The following PIP4K2A variants were observed in gnomAD, a reference collection of about 807,000 sequenced individuals.
The protein encoded by PIP4K2A is phosphatidylinositol 5-phosphate 4-kinase type-2 alpha.
In PIP4K2A, 14 loss-of-function variants were observed where a neutral mutation model predicts 42.9. That is an observed-to-expected ratio of 0.33 (90% confidence interval 0.22 to 0.51). The LOEUF is 0.51. PIP4K2A is among the 20% of genes least tolerant of loss of function. PIP4K2A has a pLI of 0.97. For missense variants in PIP4K2A, 434 were observed against 519.8 expected, an observed-to-expected ratio of 0.83 and a Z score of 1.61; for synonymous variants, 192 against 192.2, an observed-to-expected ratio of 1.00 and a Z score of 0.01.
intron 1 of PIP4K2A, among the ~76,000 whole-genome samples, chr10:22,674,874 G>T (rs948530305): frequency 3.9e-5 from 6 of 151,938 alleles, no homozygotes; most frequent in African/African-American, 1.5e-4. Context: ...GAGGCAGGAA[G>T]ATTGCTTAAG....
chr10:22,551,214 T>C (rs1439654501), intron 6 of PIP4K2A, among the ~76,000 whole-genome samples: 1 of 152,192 alleles, frequency 6.6e-6, no homozygotes, highest in African/African-American at 2.4e-5. Context: ...TGGGCTCACA[T>C]TGCAAATAAC....
chr10:22,672,543 G>A (rs914948057), intron 1 of PIP4K2A, among the ~76,000 whole-genome samples: 1 of 152,158 alleles, frequency 6.6e-6, no homozygotes, highest in African/African-American at 2.4e-5. Flanking sequence ...CAGGGATAGG[G>A]AAAACCCAGC....
At chr10:22,692,715 A>T (rs1401893863) in intron 1 of PIP4K2A, among the ~76,000 whole-genome samples, 4 of 152,196 alleles carry the variant, frequency 2.6e-5, no homozygotes, top group Non-Finnish European at 5.9e-5. Context: ...TAGAGATGGA[A>T]CAGCCCTTCA....
chr10:22,584,700 G>A (rs1281401265), intron 4 of PIP4K2A, among the ~76,000 whole-genome samples: 1 of 152,194 alleles, frequency 6.6e-6, no homozygotes, highest in African/African-American at 2.4e-5. Flanking sequence ...GAACTCCCAA[G>A]ATGACAAATA....
intron 9 of PIP4K2A, among the ~76,000 whole-genome samples, chr10:22,538,362 G>T (rs889022740): frequency 1.3e-5 from 2 of 151,736 alleles, no homozygotes; most frequent in African/African-American, 4.8e-5. Flanking sequence ...GGATAGGAGA[G>T]ATGAACATGG....
chr10:22,575,625 C>T (rs1837094761), intron 4 of PIP4K2A, among the ~76,000 whole-genome samples: 1 of 152,134 alleles, frequency 6.6e-6, no homozygotes, highest in Non-Finnish European at 1.5e-5. Flanking sequence ...TAAATTATTA[C>T]ACTGAAAAGA....
chr10:22,611,460 G>T (rs1379736435), intron 1 of PIP4K2A, among the ~76,000 whole-genome samples: 1 of 150,036 alleles, frequency 6.7e-6, no homozygotes, highest in Non-Finnish European at 1.5e-5. Flanking sequence ...CAATATATAA[G>T]TAAGAATACT....
chr10:22,623,990 G>C (rs1362659960), intron 1 of PIP4K2A, among the ~76,000 whole-genome samples: 10 of 152,162 alleles, frequency 6.6e-5, no homozygotes, highest in Admixed American at 6.5e-4. Context: ...ATTCATTTTT[G>C]TTCATGATAA....
At chr10:22,616,059 T>A (rs886360481) in intron 1 of PIP4K2A, among the ~76,000 whole-genome samples, 1 of 152,160 alleles carries the variant, frequency 6.6e-6, no homozygotes, top group Admixed American at 6.5e-5. Context: ...ATGCTGGGGC[T>A]CCAAAGATGA....
At chr10:22,554,446 G>C (rs1174423651) in intron 6 of PIP4K2A, among the ~76,000 whole-genome samples, 1 of 152,200 alleles carries the variant, frequency 6.6e-6, no homozygotes, top group Non-Finnish European at 1.5e-5. Flanking sequence ...TTAAACACTG[G>C]ATTATTTGCG....
At chr10:22,563,787 A>G (rs1376827963) in intron 6 of PIP4K2A, among the ~76,000 whole-genome samples, 1 of 152,194 alleles carries the variant, frequency 6.6e-6, no homozygotes, top group East Asian at 1.9e-4. Flanking sequence ...TCATCCACTC[A>G]AAGTAAGTAA....
chr10:22,666,727 A>G (rs758875157), intron 1 of PIP4K2A, among the ~76,000 whole-genome samples: 15 of 152,190 alleles, frequency 9.9e-5, no homozygotes, highest in Non-Finnish European at 1.5e-4. Context: ...TGCAGGCTTC[A>G]TCTGAAACAG....
In PIP4K2A at chr10:22,664,186, TATATAC is replaced by T. The variant is rs1470308223; in HGVS notation, c.144+49991_144+49996del. On this transcript the variant is annotated intron_variant, in intron 1 of 9. Transcript: ENST00000376573. Reference sequence around the variant, plus strand: ...ATATATACATATATATATATACATATATATACATATATATATACATATATATATATA... The same window carrying T: ...ATATATACATATATATATATACATATATATATATATACATATATATATATA... 8.7e-5 allele frequency among the ~76,000 whole-genome samples: 7 copies of T among 80,184 alleles called. 1 individual carries two copies. Among genetic ancestry groups the T allele is most frequent in the East Asian group, 7.9e-4 (3 of 3,796 alleles). 52.6% of individuals were successfully genotyped at this position (80,184 alleles called of 152,430 possible).
intron 2 of PIP4K2A, among the ~76,000 whole-genome samples, 177 bp downstream of exon 2, chr10:22,609,443 C>T (rs771440973): frequency 6.6e-5 from 10 of 152,132 alleles, no homozygotes; most frequent in Admixed American, 1.3e-4. Context: ...GGATATTATC[C>T]CAGAGAGCCT....
intron 1 of PIP4K2A, among the ~76,000 whole-genome samples, chr10:22,656,187 G>A (rs906825372): frequency 2.3e-4 from 35 of 152,278 alleles, no homozygotes; most frequent in Middle Eastern, 3.4e-3. Context: ...TCTGACTCCC[G>A]TGTGAGGGAC....
chr10:22,634,687 C>T (rs1404776321), intron 1 of PIP4K2A, among the ~76,000 whole-genome samples: 1 of 152,164 alleles, frequency 6.6e-6, no homozygotes, highest in African/African-American at 2.4e-5. Flanking sequence ...TCTCCCTCTC[C>T]ATAGCAGAGG....
intron 1 of PIP4K2A, among the ~76,000 whole-genome samples, chr10:22,653,831 G>A (rs184836353): frequency 2.4e-4 from 37 of 152,212 alleles, no homozygotes; most frequent in Admixed American, 1.2e-3. Context: ...CCAAGATTGC[G>A]CCACTGCACT....
At chr10:22,610,969 C>G (rs967775273) in intron 1 of PIP4K2A, among the ~76,000 whole-genome samples, 3 of 151,832 alleles carry the variant, frequency 2.0e-5, no homozygotes, top group Non-Finnish European at 4.4e-5. Context: ...ACTTTAGTTA[C>G]TAAGATGATC....
chr10:22,646,874 A>C (rs1838895849), intron 1 of PIP4K2A, among the ~76,000 whole-genome samples: 1 of 152,202 alleles, frequency 6.6e-6, no homozygotes, highest in Admixed American at 6.5e-5. Context: ...TATTGTATGC[A>C]TATTAAGTAG....
Sources: gnomAD v4.1 joint callset for allele counts (sites outside exome capture counted in the v4.1 genomes callset) on GRCh38, gnomAD v4.1.1 for gene constraint, MANE v1.5 for transcripts, NCBI Gene and HGNC (gene_info 2026-07-23, HGNC 2026-07-21) for gene names.